ARHGAP24: variants seen among roughly 807,000 people sequenced by gnomAD.
ARHGAP24 encodes Rho GTPase activating protein 24.
Under a neutral mutation model 76.4 loss-of-function variants are expected in ARHGAP24, and 50 were observed. The ratio of observed to expected loss-of-function variants is 0.65; its 90% CI spans 0.52 to 0.83. The LOEUF is 0.83. Ranked by LOEUF, ARHGAP24 falls within the 40% of genes least tolerant of loss-of-function variation. The pLI, the probability that ARHGAP24 is intolerant of heterozygous loss-of-function variation, is 0.00. For synonymous variants in ARHGAP24, 345 were observed against 323.3 expected (o/e 1.07, Z -0.72); for missense variants, 930 against 914.2 (o/e 1.02, Z -0.22).
chr4:85,678,804 C>T (rs1332419975), intron 2 of ARHGAP24, among the ~76,000 whole-genome samples: 1 of 152,126 alleles, frequency 6.6e-6, no homozygotes, highest in Non-Finnish European at 1.5e-5. Context: ...TCAGTTGAAA[C>T]AGGATCTTTC....
chr4:85,886,162 C>T (rs958459320), intron 3 of ARHGAP24, among the ~76,000 whole-genome samples: 1 of 152,128 alleles, frequency 6.6e-6, no homozygotes, highest in African/African-American at 2.4e-5. Flanking sequence ...TAATCTTTAA[C>T]AAACCATGTG....
At chr4:85,483,774 TA>T (rs1184376343) in intron 1 of ARHGAP24, among the ~76,000 whole-genome samples, 17 of 152,142 alleles carry the variant, frequency 1.1e-4, no homozygotes, top group Admixed American at 3.3e-4. Flanking sequence ...TAAATATTTT[TA>T]AAAACCTTTA....
chr4:85,676,844 G>A (rs1486498288), intron 2 of ARHGAP24, among the ~76,000 whole-genome samples: 1 of 152,144 alleles, frequency 6.6e-6, no homozygotes, highest in African/African-American at 2.4e-5. Flanking sequence ...TAGTTGTTTT[G>A]AAGTACAATA....
chr4:85,891,192 A>C (rs1733871496), intron 3 of ARHGAP24, among the ~76,000 whole-genome samples: 1 of 152,188 alleles, frequency 6.6e-6, no homozygotes, highest in Non-Finnish European at 1.5e-5. Flanking sequence ...TTGGGACGAG[A>C]GTAAATTTCA....
chr4:85,588,241 A>G (rs1727939764), intron 2 of ARHGAP24, among the ~76,000 whole-genome samples: 1 of 152,174 alleles, frequency 6.6e-6, no homozygotes, highest in African/African-American at 2.4e-5. Context: ...TGGGTTCTTC[A>G]CAGAAGCCTG....
intron 1 of ARHGAP24, among the ~76,000 whole-genome samples, chr4:85,488,208 C>T (rs1301560502): frequency 6.6e-6 from 1 of 151,680 alleles, no homozygotes; most frequent in East Asian, 1.9e-4. Flanking sequence ...GAAAGAAATT[C>T]CTGCTCCCTC....
chr4:85,727,023 T>C (rs2110048514), intron 3 of ARHGAP24, among the ~76,000 whole-genome samples: 1 of 152,110 alleles, frequency 6.6e-6, no homozygotes, highest in South Asian at 2.1e-4. Flanking sequence ...GAGACCAGCC[T>C]GACCAACATG....
intron 2 of ARHGAP24, among the ~76,000 whole-genome samples, chr4:85,603,934 C>T (rs1054744572): frequency 6.6e-6 from 1 of 152,070 alleles, no homozygotes; most frequent in Non-Finnish European, 1.5e-5. Context: ...GACTAAGTTG[C>T]TGCCTGGTAA....
intron 2 of ARHGAP24, among the ~76,000 whole-genome samples, chr4:85,614,265 C>G (rs888109566): frequency 6.6e-6 from 1 of 152,050 alleles, no homozygotes; most frequent in Non-Finnish European, 1.5e-5. Context: ...TGATCTCTAC[C>G]ATTTACCAGT....
In ARHGAP24 at chr4:85,736,488, T is replaced by C. The variant is rs1241744969; in HGVS notation, c.268+14516T>C. Reference sequence around the variant, plus strand: ...CTGAGTGCTACAGTAATTCTGTGATTCAATTCGAATCCAAAGTTTGGTTAA... The same window carrying C: ...CTGAGTGCTACAGTAATTCTGTGATCCAATTCGAATCCAAAGTTTGGTTAA... On this transcript the variant is annotated intron_variant, in intron 3 of 9. Transcript: ENST00000395184. Among the ~76,000 whole-genome samples the C allele has an allele frequency of 2.0e-5, 3 of 152,300 alleles. No homozygotes were observed. The East Asian group carries it at 5.8e-4, about 29-fold the overall frequency.
At chr4:85,550,935 TACA>T (rs1009226306) in intron 1 of ARHGAP24, among the ~76,000 whole-genome samples, 70 of 152,316 alleles carry the variant, frequency 4.6e-4, no homozygotes, top group African/African-American at 1.6e-3. Context: ...TTGGGGCTGA[TACA>T]ACAAGGTTTT....
chr4:85,678,150 C>T (rs533302189), intron 2 of ARHGAP24, among the ~76,000 whole-genome samples: 1 of 152,104 alleles, frequency 6.6e-6, no homozygotes, highest in East Asian at 1.9e-4. Context: ...AGGAGGATCA[C>T]GTTAGGCCAG....
At chr4:85,856,451 AT>A (rs1264939795) in intron 3 of ARHGAP24, among the ~76,000 whole-genome samples, 2 of 148,026 alleles carry the variant, frequency 1.4e-5, no homozygotes, top group Non-Finnish European at 3.0e-5. Flanking sequence ...TAATAAAAGA[AT>A]TTTTAAAAGG....
intron 1 of ARHGAP24, among the ~76,000 whole-genome samples, chr4:85,525,445 T>TA (rs201627500): frequency 0.01 from 1,561 of 151,702 alleles, 13 homozygotes; most frequent in East Asian, 0.018. Flanking sequence ...ACCATCATAT[T>TA]AAAAAAAATG....
At chr4:85,580,854 G>A (rs967488909) in intron 2 of ARHGAP24, among the ~76,000 whole-genome samples, 37 of 152,082 alleles carry the variant, frequency 2.4e-4, no homozygotes, top group African/African-American at 6.3e-4. Context: ...CTGTTGTCTC[G>A]TAGAAGAGTA....
intron 2 of ARHGAP24, among the ~76,000 whole-genome samples, chr4:85,666,878 A>G (rs7690209): frequency 0.029 from 4,439 of 152,200 alleles, 201 homozygotes; most frequent in African/African-American, 0.1. Flanking sequence ...AGGAGTACCC[A>G]GCCGTGTGAG....
chr4:85,747,635 G>C lies in ARHGAP24; in HGVS notation c.268+25663G>C, dbSNP rs576943798. On this transcript the variant is annotated intron_variant, in intron 3 of 9. Transcript: ENST00000395184. The stretch of plus-strand genomic sequence containing the variant: ...GGAGAATGGCGTGAACCCGGGAAGC[G>C]GAGCTTGCAGTGAGCCGAGATTGTG... Among the ~76,000 whole-genome samples the C allele has an allele frequency of 1.8e-4, 28 of 152,226 alleles. No homozygotes were observed. The South Asian group carries it at 5.8e-3, about 32-fold the overall frequency.
At chr4:85,510,090 A>G (rs1724214980) in intron 1 of ARHGAP24, among the ~76,000 whole-genome samples, 2 of 152,212 alleles carry the variant, frequency 1.3e-5, no homozygotes, top group Admixed American at 6.5e-5. Flanking sequence ...CAAGTATTGC[A>G]TGTGATGTGG....
At chr4:85,846,955 A>G (rs1730927866) in intron 3 of ARHGAP24, among the ~76,000 whole-genome samples, 1 of 152,192 alleles carries the variant, frequency 6.6e-6, no homozygotes, top group Admixed American at 6.5e-5. Flanking sequence ...TTCAGCCAAA[A>G]TAATCTAAAT....
Sources: allele counts gnomAD v4.1 joint callset (sites outside exome capture counted in the v4.1 genomes callset), GRCh38; gene constraint gnomAD v4.1.1; transcripts MANE v1.5; gene names NCBI Gene and HGNC (gene_info 2026-07-23, HGNC 2026-07-21).